Variants in ZNF385D observed in about 807,000 individuals in gnomAD.
The protein encoded by ZNF385D is zinc finger protein 659.
Under a neutral mutation model 35.8 loss-of-function variants are expected in ZNF385D, and 15 were observed. The observed-to-expected ratio is 0.42, with a 90% CI of 0.28 to 0.64. The LOEUF (loss-of-function observed/expected upper bound fraction) is 0.64, where lower values mean the gene tolerates loss of function less well. Among genes scored for constraint, ZNF385D ranks in the 30% least tolerant of loss-of-function variants. ZNF385D has a pLI of 0.23. For missense variants in ZNF385D, 474 were observed against 494.6 expected (o/e 0.96, Z 0.39); for synonymous variants, 212 against 186.8 (o/e 1.13, Z -1.10).
At chr3:21,758,309 A>G (rs2070437782) in intron 3 of ZNF385D, among the ~76,000 whole-genome samples, 1 of 152,336 alleles carries the variant, frequency 6.6e-6, no homozygotes, top group Admixed American at 6.5e-5. Flanking sequence ...AATGCATCCC[A>G]TAGGCATGGC....
At chr3:22,062,877 G>C (rs1318164643) in intron 3 of ZNF385D, among the ~76,000 whole-genome samples, 1 of 152,158 alleles carries the variant, frequency 6.6e-6, no homozygotes, top group African/African-American at 2.4e-5. Flanking sequence ...ATATGAGTGA[G>C]TCTTCATGAA....
rs1698604059 is a variant in ZNF385D, at chr3:22,040,586, G to T, written c.325+128231C>A. Among the ~76,000 whole-genome samples the T allele has an allele frequency of 2.0e-5, 3 of 152,152 alleles. No homozygotes were observed. In the South Asian group the frequency reaches 6.2e-4, roughly 32 times the overall value. ...ATGATAATCACACATTTTCTGAACA[G>T]GTTATTAAATGTGTAGTCTCAGATG... On this transcript the variant is annotated intron_variant, in intron 3 of 5. Coordinates refer to the ZNF385D transcript ENST00000494108.
At chr3:21,549,354 A>C (rs1575153907) in intron 3 of ZNF385D, among the ~76,000 whole-genome samples, 1 of 152,210 alleles carries the variant, frequency 6.6e-6, no homozygotes, top group South Asian at 2.1e-4. Flanking sequence ...TGGCTGGCTC[A>C]TTTTCTCTTG....
At chr3:21,779,684 G>A (rs949576819) in intron 3 of ZNF385D, among the ~76,000 whole-genome samples, 1 of 151,942 alleles carries the variant, frequency 6.6e-6, no homozygotes, top group Non-Finnish European at 1.5e-5. Context: ...CTTTACAAAT[G>A]TAAGTTCATT....
intron 3 of ZNF385D, among the ~76,000 whole-genome samples, chr3:21,530,020 C>T (rs181587645): frequency 8.2e-4 from 125 of 152,120 alleles, no homozygotes; most frequent in African/African-American, 3.0e-3. Context: ...TTAGTGCCAT[C>T]CCCTTGGTGA....
chr3:22,313,506 T>G (rs1703705579), intron 2 of ZNF385D, among the ~76,000 whole-genome samples: 1 of 152,076 alleles, frequency 6.6e-6, no homozygotes, highest in African/African-American at 2.4e-5. Flanking sequence ...TGGGAGAAAT[T>G]CAATGAAGAA....
chr3:22,145,073 T>C (rs1216055796), intron 3 of ZNF385D, among the ~76,000 whole-genome samples: 1 of 151,618 alleles, frequency 6.6e-6, no homozygotes, highest in Non-Finnish European at 1.5e-5. Flanking sequence ...ACTACATACT[T>C]ATCAGCAGTA....
At chr3:21,734,412 T>A (rs1229588189) in intron 1 of ZNF385D, among the ~76,000 whole-genome samples, 2 of 151,988 alleles carry the variant, frequency 1.3e-5, no homozygotes, top group African/African-American at 4.8e-5. Flanking sequence ...CTAAAGAAGG[T>A]GCCATTTGCA....
At chr3:21,794,260 T>G (rs2072051612) in intron 3 of ZNF385D, among the ~76,000 whole-genome samples, 1 of 151,924 alleles carries the variant, frequency 6.6e-6, no homozygotes, top group South Asian at 2.1e-4. Flanking sequence ...AAGAGAAGTT[T>G]TAAACCTAAG....
intron 3 of ZNF385D, among the ~76,000 whole-genome samples, chr3:22,101,838 A>T (rs1416829408): frequency 6.6e-6 from 1 of 151,988 alleles, no homozygotes; most frequent in African/African-American, 2.4e-5. Context: ...TAATATTTTA[A>T]ATCATCTGGT....
intron 3 of ZNF385D, among the ~76,000 whole-genome samples, chr3:22,007,138 A>C (rs1696260677): frequency 6.6e-6 from 1 of 152,154 alleles, no homozygotes; most frequent in African/African-American, 2.4e-5. Flanking sequence ...GAGAAGTTTC[A>C]ATCTCATCCA....
intron 4 of ZNF385D, among the ~76,000 whole-genome samples, chr3:21,507,494 C>A (rs1397974497): frequency 6.6e-6 from 1 of 152,006 alleles, no homozygotes; most frequent in Non-Finnish European, 1.5e-5. Context: ...TGTGCATTAC[C>A]AGAAATTTTC....
chr3:21,919,514 G>A (rs906284373), intron 3 of ZNF385D, among the ~76,000 whole-genome samples: 1 of 152,164 alleles, frequency 6.6e-6, no homozygotes, highest in African/African-American at 2.4e-5. Context: ...AGCAAAACAA[G>A]TAGTGGGAGA....
At chr3:21,627,703 T>G (rs1481540454) in intron 2 of ZNF385D, among the ~76,000 whole-genome samples, 3 of 152,114 alleles carry the variant, frequency 2.0e-5, no homozygotes, top group East Asian at 3.9e-4. Context: ...GTCTACATGA[T>G]TTTCCCATGA....
At chr3:21,444,237 G>A (rs756005141) in intron 4 of ZNF385D, among the ~76,000 whole-genome samples, 3 of 151,252 alleles carry the variant, frequency 2.0e-5, no homozygotes, top group Admixed American at 6.6e-5. Context: ...GCACCACCAC[G>A]CCCGGCTAAT....
chr3:22,063,800 T>C (rs1261741338), intron 3 of ZNF385D, among the ~76,000 whole-genome samples: 1 of 152,206 alleles, frequency 6.6e-6, no homozygotes, highest in Non-Finnish European at 1.5e-5. Flanking sequence ...TGTGGAGCTA[T>C]GTGTCCAGAT....
intron 3 of ZNF385D, among the ~76,000 whole-genome samples, chr3:22,161,336 A>G (rs1705934416): frequency 6.6e-6 from 1 of 152,078 alleles, no homozygotes; most frequent in African/African-American, 2.4e-5. Context: ...ATTTTTATAG[A>G]ATGTTGGGGA....
chr3:21,808,024 G>A (rs75374723), intron 3 of ZNF385D, among the ~76,000 whole-genome samples: 4 of 152,070 alleles, frequency 2.6e-5, no homozygotes, highest in African/African-American at 9.7e-5. Flanking sequence ...AAATAGAATT[G>A]CTAAGTAGTA....
intron 3 of ZNF385D, among the ~76,000 whole-genome samples, chr3:21,533,298 C>T (rs1358713258): frequency 6.6e-6 from 1 of 152,052 alleles, no homozygotes; most frequent in Non-Finnish European, 1.5e-5. Context: ...CGTTTCCCCA[C>T]TTAGAAAACC....
Sources: allele counts gnomAD v4.1 joint callset (sites outside exome capture counted in the v4.1 genomes callset), GRCh38; gene constraint gnomAD v4.1.1; transcripts MANE v1.5; gene names NCBI Gene and HGNC (gene_info 2026-07-23, HGNC 2026-07-21).